The following AGAP1 variants were observed in gnomAD, a reference collection of about 807,000 sequenced individuals.
AGAP1 encodes the protein ArfGAP with GTPase domain, ankyrin repeat and PH domain 1.
Under a neutral mutation model 105.3 loss-of-function variants are expected in AGAP1, and 29 were observed. The ratio of observed to expected loss-of-function variants is 0.28; its 90% confidence interval spans 0.21 to 0.38. The LOEUF (loss-of-function observed/expected upper bound fraction) is 0.38, where lower values mean the gene tolerates loss of function less well. AGAP1 is among the 10% of genes least tolerant of loss of function. The pLI is 1.00. For missense variants in AGAP1, 998 were observed against 1,165.1 expected, an observed-to-expected ratio of 0.86 and a Z score of 2.09; for synonymous variants, 509 against 485.9, an observed-to-expected ratio of 1.05 and a Z score of -0.63.
intron 9 of AGAP1, among the ~76,000 whole-genome samples, chr2:235,880,322 G>C (rs1235443291): frequency 6.6e-6 from 1 of 152,068 alleles, no homozygotes; most frequent in Non-Finnish European, 1.5e-5. Context: ...AGCCCCGAGG[G>C]TGTGCGCCGT....
At position 235,660,629 on chromosome 2, in the gene AGAP1, T is replaced by C. The variant is rs1947916843; in HGVS notation, c.164-48550T>C. On this transcript the variant is annotated intron_variant, in intron 1 of 17. Coordinates refer to ENST00000304032, the MANE Select transcript of AGAP1 (RefSeq NM_001037131.3). The surrounding 1 kb of genome is among the most constrained non-coding windows in gnomAD (Gnocchi z 5.3). ...TCCAGCTCCCAGTGATGTGTAGAGTTGAGCTCCATCCTGCTGATCCCAGCA... is the reference window on the plus strand; with the variant it reads ...TCCAGCTCCCAGTGATGTGTAGAGTCGAGCTCCATCCTGCTGATCCCAGCA... 6.6e-6 allele frequency among the ~76,000 whole-genome samples: 1 copy of C among 152,006 alleles called. No homozygotes were observed. Among genetic ancestry groups the C allele is most frequent in the African/African-American group, 2.4e-5 (1 of 41,394 alleles).
chr2:236,001,078 T>C lies in AGAP1; in HGVS notation c.1645+32455T>C, dbSNP rs2056099869. 6.6e-6 allele frequency among the ~76,000 whole-genome samples: 1 copy of C among 152,082 alleles called. No individual in the cohort carries two copies. The highest frequency in any genetic ancestry group is 1.5e-5 in the Non-Finnish European group (1 of 68,012). On this transcript the variant is annotated intron_variant, in intron 13 of 17. Transcript: ENST00000304032. The surrounding 1 kb of genome is among the most constrained non-coding windows in gnomAD (Gnocchi z 4.7). Reference sequence around the variant, plus strand: ...GGGTCATGGCAGATGTCATTAGCTATACAGGAGGGGAGGGGATGGACCCTC... The same window carrying C: ...GGGTCATGGCAGATGTCATTAGCTACACAGGAGGGGAGGGGATGGACCCTC...
rs2051267268 is a variant in AGAP1, at chr2:235,905,590, C to G, written c.1156-3148C>G. ...TCTCTGCTCCCTGCAATCTCTGTCT[C>G]CCAGGTTCAAGCGATTCTCCTGCCT... On this transcript the variant is annotated intron_variant, in intron 10 of 17. Coordinates refer to ENST00000304032, the MANE Select transcript of AGAP1 (RefSeq NM_001037131.3). This position sits in a 1 kb window ranked among gnomAD's most constrained non-coding sequence, Gnocchi z 4.2. Among the ~76,000 whole-genome samples, 1 of 152,184 alleles carries G rather than the reference C, an allele frequency of 6.6e-6. No individual in the cohort carries two copies. The highest frequency in any genetic ancestry group is 1.5e-5 in the Non-Finnish European group (1 of 68,028).
At position 235,782,834 on chromosome 2, in the gene AGAP1, G is replaced by A. The variant is rs555292933; in HGVS notation, c.674-14925G>A. The stretch of plus-strand genomic sequence containing the variant: ...GTATTGCATGCCTAATTTTCACAGC[G>A]TTCAGTATTAAGGTAAACCTACTGA... On this transcript the variant is annotated intron_variant, in intron 6 of 17. Coordinates refer to ENST00000304032, the MANE Select transcript of AGAP1 (RefSeq NM_001037131.3). Among the ~76,000 whole-genome samples the A allele has an allele frequency of 4.6e-5, 7 of 152,220 alleles. No individual in the cohort carries two copies. The East Asian group carries it at 5.8e-4, about 13-fold the overall frequency.
chr2:235,566,649 T>G lies in AGAP1; in HGVS notation c.163+71800T>G. 2.1e-6 allele frequency: 2 copies of G among 969,134 alleles called. No individual in the cohort carries two copies. The highest frequency in any genetic ancestry group is 2.5e-6 in the Non-Finnish European group (2 of 815,174). The allele number at this position is 969,134 out of a possible 1,614,324, so 60.0% of individuals were successfully genotyped here. On this transcript the variant is annotated intron_variant, in intron 1 of 17. Coordinates refer to ENST00000304032, the MANE Select transcript of AGAP1 (RefSeq NM_001037131.3). The surrounding 1 kb of genome is among the most constrained non-coding windows in gnomAD (Gnocchi z 5.2). The stretch of plus-strand genomic sequence containing the variant: ...TGTTGTATGCCTGACACCTTCCTCA[T>G]GCCGCAGGACCAGCCGGGACCGGGG...
Position 235,888,006 on chromosome 2 carries a change from A to G in AGAP1, c.1155+4557A>G, listed in dbSNP as rs2050349930. On this transcript the variant is annotated intron_variant, in intron 10 of 17. Transcript: ENST00000304032. The surrounding 1 kb of genome is among the most constrained non-coding windows in gnomAD (Gnocchi z 4.8). ...CCTCTCCCTTCCGGCACAGACATTT[A>G]TCTTCTGTCCACGTGTGTGCCGCTC... Among the ~76,000 whole-genome samples the G allele has an allele frequency of 6.6e-6, 1 of 152,088 alleles. No individual in the cohort carries two copies. Among genetic ancestry groups the G allele is most frequent in the Non-Finnish European group, 1.5e-5 (1 of 68,026 alleles).
chr2:235,847,960 A>G (rs4663210), intron 9 of AGAP1, among the ~76,000 whole-genome samples: 111,711 of 152,208 alleles, frequency 0.73, 41,429 homozygotes, highest in East Asian at 0.99. Context: ...TAATACAATG[A>G]GGAAGAATTA....
intron 3 of AGAP1, among the ~76,000 whole-genome samples, chr2:235,738,190 A>G (rs1328503601): frequency 6.6e-6 from 1 of 152,114 alleles, no homozygotes; most frequent in African/African-American, 2.4e-5. Context: ...ATTTCAATGA[A>G]TGTGAGGGGT....
chr2:236,031,303 A>C (rs2057216854), intron 13 of AGAP1, among the ~76,000 whole-genome samples: 1 of 152,130 alleles, frequency 6.6e-6, no homozygotes, highest in Admixed American at 6.6e-5. Flanking sequence ...AGGGAGGAGA[A>C]AGAGAAGCAG....
At chr2:235,711,348 A>C (rs943838528) in intron 2 of AGAP1, among the ~76,000 whole-genome samples, 1 of 152,244 alleles carries the variant, frequency 6.6e-6, no homozygotes, top group Non-Finnish European at 1.5e-5. Context: ...TTACAGGTTC[A>C]GAGAGGGCCC....
At chr2:235,521,804 ATAGT>A (rs1942634914) in intron 1 of AGAP1, among the ~76,000 whole-genome samples, 1 of 151,436 alleles carries the variant, frequency 6.6e-6, no homozygotes, top group African/African-American at 2.4e-5. Flanking sequence ...ATAGTGCTGT[ATAGT>A]CTACGTCTAT....
Position 236,124,159 on chromosome 2 carries a change from C to A in AGAP1, c.*37C>A, listed in dbSNP as rs1274951854. ...GCCCGCCTGCTCGCCGCACCTGGGACGCGGCAGCCTCGCCGCATTCTCGCT... is the reference window on the plus strand; with the variant it reads ...GCCCGCCTGCTCGCCGCACCTGGGAAGCGGCAGCCTCGCCGCATTCTCGCT... On this transcript the variant is annotated 3_prime_UTR_variant, in exon 18 of 18. Coordinates refer to ENST00000304032, the MANE Select transcript of AGAP1 (RefSeq NM_001037131.3). The surrounding 1 kb of genome is among the most constrained non-coding windows in gnomAD (Gnocchi z 5.1). The A allele has an allele frequency of 1.2e-6, 2 of 1,602,538 alleles. No individual in the cohort carries two copies. Among genetic ancestry groups the A allele is most frequent in the South Asian group, 1.1e-5 (1 of 90,564 alleles).
chr2:235,799,116 GAA>G lies in AGAP1; in HGVS notation c.802-249_802-248del, dbSNP rs1452580858. Among the ~76,000 whole-genome samples, 1 of 152,118 alleles carries G rather than the reference GAA, an allele frequency of 6.6e-6. No individual in the cohort carries two copies. Among genetic ancestry groups the G allele is most frequent in the Admixed American group, 6.5e-5 (1 of 15,280 alleles). On this transcript the variant is annotated intron_variant, in intron 7 of 17. Transcript: ENST00000304032. The surrounding 1 kb of genome is among the most constrained non-coding windows in gnomAD (Gnocchi z 5.0). ...CTCTCAGAAATCTTTTAAGTTAAAT[GAA>G]AGAGACTTCTTTGTCTTCAGTCACT... is the stretch of plus-strand genomic sequence containing the variant.
chr2:235,717,652 G>C lies in AGAP1; in HGVS notation c.310+8G>C. 1 of 1,595,182 alleles carries C rather than the reference G, an allele frequency of 6.3e-7. No homozygotes were observed. The highest frequency in any genetic ancestry group is 2.3e-5 in the East Asian group (1 of 44,082). ...AGGAGGAGTCTCCGGAAGGTATGCT[G>C]TTTGGCAGGCAGTTGCAAACTTAAG... On this transcript the variant is annotated splice_region_variant and intron_variant, in intron 3 of 17. Transcript: ENST00000304032.
chr2:235,861,223 A>C (rs1385367215), intron 9 of AGAP1, among the ~76,000 whole-genome samples: 1 of 152,180 alleles, frequency 6.6e-6, no homozygotes, highest in East Asian at 1.9e-4. Context: ...TAGTTTTTTT[A>C]AATGTGATGA....
intron 9 of AGAP1, among the ~76,000 whole-genome samples, chr2:235,815,636 A>C (rs1189390803): frequency 6.6e-6 from 1 of 152,164 alleles, no homozygotes; most frequent in Non-Finnish European, 1.5e-5. Context: ...CTGGTCATAT[A>C]AGGTAAGGCC....
intron 9 of AGAP1, among the ~76,000 whole-genome samples, chr2:235,817,520 C>T (rs114572305): frequency 6.6e-6 from 1 of 152,100 alleles, no homozygotes; most frequent in African/African-American, 2.4e-5. Context: ...CCAAAACACT[C>T]TTTCCTTGGT....
rs185010818 is a variant in AGAP1, at chr2:236,056,855, C to T, written c.2114+7574C>T. ...AGATCTGACTCCAGATGCCGCTCTGCAGTCCTGCTGCTGCTCCTGTTCCTT... is the reference window on the plus strand; with the variant it reads ...AGATCTGACTCCAGATGCCGCTCTGTAGTCCTGCTGCTGCTCCTGTTCCTT... On this transcript the variant is annotated intron_variant, in intron 16 of 17. Transcript: ENST00000304032. The surrounding 1 kb of genome is among the most constrained non-coding windows in gnomAD (Gnocchi z 4.6). Among the ~76,000 whole-genome samples, 91 of 152,320 alleles carry T rather than the reference C, an allele frequency of 6.0e-4. No individual in the cohort carries two copies. Among genetic ancestry groups the T allele is most frequent in the Non-Finnish European group, 1.8e-4 (12 of 68,032 alleles).
intron 9 of AGAP1, among the ~76,000 whole-genome samples, chr2:235,822,672 T>TGGAGAAGCTTGGGAATGG (rs1364364535): frequency 4.0e-5 from 6 of 150,966 alleles, no homozygotes; most frequent in African/African-American, 1.5e-4. Flanking sequence ...GAGGAGGAGC[T>TGGAGAAGCTTGGGAATGG]GGAGAAGCTT....
Sources: gnomAD v4.1 joint callset for allele counts (sites outside exome capture counted in the v4.1 genomes callset) on GRCh38, gnomAD v4.1.1 for gene constraint, Gnocchi (gnomAD v3.1) non-coding constraint, MANE v1.5 for transcripts, NCBI Gene and HGNC (gene_info 2026-07-23, HGNC 2026-07-21) for gene names.